The following NFAM1 variants were observed in gnomAD, a reference collection of about 807,000 sequenced individuals.
NFAM1 encodes the protein NFAT activation molecule 1.
In NFAM1, 17 loss-of-function variants were observed where a neutral mutation model predicts 29.0. The ratio of observed to expected loss-of-function variants is 0.59; its 90% CI spans 0.40 to 0.88. The LOEUF is 0.88. Ranked by LOEUF, NFAM1 falls within the 40% of genes least tolerant of loss-of-function variation. NFAM1 has a pLI of 0.00. For missense variants in NFAM1, 324 were observed against 344.6 expected (o/e 0.94, Z 0.47); for synonymous variants, 175 against 147.2 (o/e 1.19, Z -1.36).
At position 42,397,894 on chromosome 22, in the gene NFAM1, G is replaced by A. The variant is rs760520304; in HGVS notation, c.627C>T (p.Ser209=). 27 of 1,612,872 alleles carry A rather than the reference G, an allele frequency of 1.7e-5. No individual in the cohort carries two copies. The highest frequency in any genetic ancestry group is 8.5e-7 in the Non-Finnish European group (1 of 1,179,272). The change falls in exon 4 of 6, where the codon AGC becomes AGT. Residue 209 remains serine, a synonymous_variant. Coordinates refer to ENST00000329021, the MANE Select transcript of NFAM1 (RefSeq NM_145912.8). ...ATTCTGAAGGATGCTGCTTGGGGCT[G>A]CTGGCAGATCTTGGATCTGGGCACT... ...TRKCPDPRSA[S]SPKQHPSESV... is the part of the protein sequence containing the mutation.
At chr22:42,437,124 T>C (rs987928052), upstream of NFAM1, 5 of 332,312 alleles carry the variant, frequency 1.5e-5, no homozygotes, top group Admixed American at 6.7e-5. Flanking sequence ...AAAGGTGGCA[T>C]GATTTTTTCT....
Position 42,384,635 on chromosome 22 carries a change from A to T in NFAM1, c.*526T>A. On this transcript the variant is annotated 3_prime_UTR_variant, in exon 6 of 6. Coordinates refer to ENST00000329021, the MANE Select transcript of NFAM1 (RefSeq NM_145912.8). ...ACCTCCCACGCCAGCCCCTGCTCCC[A>T]CCCTGCCTGGCTGCCTCGTGCCTCT... 1 of 173,228 alleles carries T rather than the reference A, an allele frequency of 5.8e-6. No homozygotes were observed. Among genetic ancestry groups the T allele is most frequent in the Non-Finnish European group, 1.2e-5 (1 of 80,310 alleles). 10.7% of individuals were successfully genotyped at this position (173,228 alleles called of 1,614,324 possible). A position where few individuals can be genotyped will look rare whatever the true frequency, so the allele number is the denominator to read the frequency against.
chr22:42,420,536 C>T (rs111889320), intron 1 of NFAM1, among the ~76,000 whole-genome samples: 8,339 of 151,778 alleles, frequency 0.055, 393 homozygotes, highest in African/African-American at 0.12. Flanking sequence ...GAGGCCAAGG[C>T]AGGTGGATCA....
At chr22:42,417,010 C>A (rs991606663) in intron 1 of NFAM1, among the ~76,000 whole-genome samples, 2 of 152,112 alleles carry the variant, frequency 1.3e-5, no homozygotes, top group African/African-American at 2.4e-5. Flanking sequence ...GGGGCCCCAA[C>A]GGACTCCACG....
At chr22:42,406,031 G>C (rs1276113020) in intron 3 of NFAM1, among the ~76,000 whole-genome samples, 1 of 152,142 alleles carries the variant, frequency 6.6e-6, no homozygotes, top group African/African-American at 2.4e-5. Flanking sequence ...ACAAGGATGG[G>C]AAACTAAGGC....
intron 1 of NFAM1, among the ~76,000 whole-genome samples, chr22:42,422,852 C>A (rs946572179): frequency 2.0e-5 from 3 of 152,030 alleles, no homozygotes; most frequent in African/African-American, 7.2e-5. Flanking sequence ...TGGTGGCTCA[C>A]GCCTGTAATC....
intron 3 of NFAM1, among the ~76,000 whole-genome samples, chr22:42,404,168 G>A (rs531863114): frequency 7.2e-5 from 11 of 152,226 alleles, no homozygotes; most frequent in Admixed American, 2.0e-4. Flanking sequence ...GGCCTTTGCA[G>A]AAGTCAGGTG....
chr22:42,430,601 C>T (rs1930766495), intron 1 of NFAM1, among the ~76,000 whole-genome samples: 1 of 149,786 alleles, frequency 6.7e-6, no homozygotes, highest in African/African-American at 2.5e-5. Flanking sequence ...GGTTTGTCTG[C>T]TGCTCCAAGG....
intron 4 of NFAM1, among the ~76,000 whole-genome samples, chr22:42,393,950 T>C (rs1929433622): frequency 6.6e-6 from 1 of 152,192 alleles, no homozygotes; most frequent in South Asian, 2.1e-4. Context: ...ACACGTACCA[T>C]GCCTGGTTGA....
intron 1 of NFAM1, among the ~76,000 whole-genome samples, chr22:42,425,644 G>A (rs2146555450): frequency 6.6e-6 from 1 of 152,298 alleles, no homozygotes; most frequent in South Asian, 2.1e-4. Context: ...CAAAGATGCT[G>A]GTGGGTCCTG....
intron 3 of NFAM1, among the ~76,000 whole-genome samples, chr22:42,405,543 G>A (rs1000324611): frequency 1.3e-5 from 2 of 152,222 alleles, no homozygotes; most frequent in Admixed American, 6.5e-5. Flanking sequence ...GGCGAGAGTC[G>A]GGGGCGTGCA....
At chr22:42,385,691 A>T (rs576339103) in intron 5 of NFAM1, among the ~76,000 whole-genome samples, 144 of 151,296 alleles carry the variant, frequency 9.5e-4, no homozygotes, top group Admixed American at 1.6e-3. Flanking sequence ...CTATTCCTGC[A>T]GACTATGGCT....
At chr22:42,404,956 G>A (rs1929845313) in intron 3 of NFAM1, among the ~76,000 whole-genome samples, 1 of 152,104 alleles carries the variant, frequency 6.6e-6, no homozygotes, top group African/African-American at 2.4e-5. Flanking sequence ...GCTCAGAGAG[G>A]ATCCAAACCT....
intron 1 of NFAM1, among the ~76,000 whole-genome samples, chr22:42,429,462 A>G (rs2146559946): frequency 6.6e-6 from 1 of 152,238 alleles, no homozygotes; most frequent in East Asian, 1.9e-4. Flanking sequence ...CTAAAAATAC[A>G]GAAATTAGCC....
chr22:42,419,162 T>C lies in NFAM1; in HGVS notation c.122-7426A>G, dbSNP rs1930353701. ...GTGTGCCCACCTGGCAGCTTTCCTG[T>C]GGATCACTGATGTTCAGGATCAGAC... On this transcript the variant is annotated intron_variant, in intron 1 of 5. Transcript: ENST00000329021. This position sits in a 1 kb window ranked among gnomAD's most constrained non-coding sequence, Gnocchi z 4.5. 6.6e-6 allele frequency among the ~76,000 whole-genome samples: 1 copy of C among 152,158 alleles called. No individual in the cohort carries two copies. Among genetic ancestry groups the C allele is most frequent in the South Asian group, 2.1e-4 (1 of 4,832 alleles).
At chr22:42,436,769 G>A (rs938354452), upstream of NFAM1, among the ~76,000 whole-genome samples, 1 of 152,226 alleles carries the variant, frequency 6.6e-6, no homozygotes, top group Non-Finnish European at 1.5e-5. Context: ...TGAGGAAACT[G>A]GAGTTCAGAG....
At chr22:42,398,692 T>C (rs1195480609) in intron 3 of NFAM1, among the ~76,000 whole-genome samples, 1 of 152,062 alleles carries the variant, frequency 6.6e-6, no homozygotes, top group African/African-American at 2.4e-5. Flanking sequence ...GGATTACAGG[T>C]GTGAGCCACT....
Position 42,415,500 on chromosome 22 carries a change from C to T in NFAM1, c.122-3764G>A, listed in dbSNP as rs181055104. Among the ~76,000 whole-genome samples, 452 of 152,070 alleles carry T rather than the reference C, an allele frequency of 3.0e-3. 4 individuals carry two copies. The highest frequency in any genetic ancestry group is 0.01 in the African/African-American group (418 of 41,480). Reference sequence around the variant, plus strand: ...ATTTTTAGTAGAGACGGGGTTTCACCGTGTTAGCCAGAATGGTCTCAATCT... The same window carrying T: ...ATTTTTAGTAGAGACGGGGTTTCACTGTGTTAGCCAGAATGGTCTCAATCT... On this transcript the variant is annotated intron_variant, in intron 1 of 5. Transcript: ENST00000329021.
At chr22:42,413,311 T>C (rs1930154468) in intron 1 of NFAM1, among the ~76,000 whole-genome samples, 1 of 152,128 alleles carries the variant, frequency 6.6e-6, no homozygotes, top group Non-Finnish European at 1.5e-5. Flanking sequence ...GCTCATCTCT[T>C]CCCAGGTCTC....
Sources: allele counts gnomAD v4.1 joint callset (sites outside exome capture counted in the v4.1 genomes callset), GRCh38; gene constraint gnomAD v4.1.1; non-coding constraint Gnocchi (gnomAD v3.1); transcripts MANE v1.5; gene names NCBI Gene and HGNC (gene_info 2026-07-23, HGNC 2026-07-21).